IL1RAPL1: variants seen among roughly 807,000 people sequenced by gnomAD.
IL1RAPL1 encodes the protein interleukin 1 receptor accessory protein like 1, also known as interleukin-1 receptor accessory protein-like 1.
Under a neutral mutation model 48.4 loss-of-function variants are expected in IL1RAPL1, and 3 were observed. That is an observed-to-expected ratio of 0.06 (90% CI 0.03 to 0.16). IL1RAPL1 has a LOEUF of 0.16. Ranked by LOEUF, IL1RAPL1 falls within the 10% of genes least tolerant of loss-of-function variation. The pLI, the probability that IL1RAPL1 is intolerant of heterozygous loss-of-function variation, is 1.00. For missense variants in IL1RAPL1, 349 were observed against 530.6 expected (o/e 0.66, Z 3.36); for synonymous variants, 185 against 187.7 (o/e 0.99, Z 0.12).
chrX:29,189,989 G>A (rs937652182), intron 2 of IL1RAPL1, among the ~76,000 whole-genome samples: 5 of 111,432 alleles, frequency 4.5e-5, no homozygotes, highest in African/African-American at 1.6e-4. Context: ...CTTGAAGTTA[G>A]GCAGATCTTG....
chrX:29,920,654 C>T (rs748979331), intron 8 of IL1RAPL1, among the ~76,000 whole-genome samples: 38 of 107,354 alleles, frequency 3.5e-4, no homozygotes, highest in Non-Finnish European at 6.4e-4. Context: ...AATTAGCTGG[C>T]GGTAGTGGTG....
intron 2 of IL1RAPL1, among the ~76,000 whole-genome samples, chrX:29,241,033 G>A (rs1270750838): frequency 1.8e-5 from 2 of 112,190 alleles, no homozygotes; most frequent in Non-Finnish European, 3.8e-5. Flanking sequence ...GGGATTATGA[G>A]CAAGCTCTCG....
intron 2 of IL1RAPL1, among the ~76,000 whole-genome samples, chrX:28,873,365 C>T (rs1037339548): frequency 5.6e-5 from 6 of 107,925 alleles, no homozygotes; most frequent in Non-Finnish European, 7.7e-5. Flanking sequence ...ACCTCCTTGG[C>T]GTCCCAAAGT....
At chrX:29,585,069 A>G (rs1312237439) in intron 5 of IL1RAPL1, among the ~76,000 whole-genome samples, 1 of 112,054 alleles carries the variant, frequency 8.9e-6, no homozygotes, top group African/African-American at 3.3e-5. Context: ...AACACTTAAC[A>G]TGAGATCTGC....
intron 3 of IL1RAPL1, among the ~76,000 whole-genome samples, chrX:29,362,359 A>G (rs1602194648): frequency 8.9e-6 from 1 of 112,021 alleles, no homozygotes; most frequent in South Asian, 3.7e-4. Context: ...AAATGAGTCA[A>G]TGCAAAGTAT....
At chrX:29,550,031 T>C (rs1298352584) in intron 5 of IL1RAPL1, among the ~76,000 whole-genome samples, 3 of 111,746 alleles carry the variant, frequency 2.7e-5, no homozygotes, top group Non-Finnish European at 5.6e-5. Context: ...TTATAATTTT[T>C]TAGTATTACA....
chrX:29,441,416 T>A (rs1290994194), intron 5 of IL1RAPL1, among the ~76,000 whole-genome samples: 2 of 112,309 alleles, frequency 1.8e-5, no homozygotes, highest in African/African-American at 6.5e-5. Flanking sequence ...TCTCATTGTG[T>A]CATTTTACTG....
At chrX:28,840,770 A>G (rs965944418) in intron 2 of IL1RAPL1, among the ~76,000 whole-genome samples, 11 of 110,535 alleles carry the variant, frequency 1.0e-4, no homozygotes, top group African/African-American at 2.9e-4. Flanking sequence ...GTACTTCCCA[A>G]TGGAGTCAGA....
intron 5 of IL1RAPL1, among the ~76,000 whole-genome samples, chrX:29,402,895 C>T (rs1934012217): frequency 9.0e-6 from 1 of 110,932 alleles, no homozygotes; most frequent in Admixed American, 9.6e-5. Context: ...GTTATAGGTC[C>T]TTGGAAGAAA....
At chrX:29,568,747 A>G (rs918193090) in intron 5 of IL1RAPL1, among the ~76,000 whole-genome samples, 1 of 111,647 alleles carries the variant, frequency 9.0e-6, no homozygotes, top group African/African-American at 3.2e-5. Context: ...ATAGGATTGA[A>G]GAGAGAATAG....
chrX:29,200,675 G>A (rs898835562), intron 2 of IL1RAPL1, among the ~76,000 whole-genome samples: 1 of 111,215 alleles, frequency 9.0e-6, no homozygotes, highest in Admixed American at 9.6e-5. Context: ...AGCAACTAGA[G>A]CTGTAATGAT....
At position 29,716,182 on chromosome X, in the gene IL1RAPL1, A is replaced by C. The variant is rs183147518; in HGVS notation, c.778+47678A>C. ...CAGGTGAAACTGGGAGGGGCTCTGGAGATGGAATGTCCCTTCAAATTTGTC... is the reference window on the plus strand; with the variant it reads ...CAGGTGAAACTGGGAGGGGCTCTGGCGATGGAATGTCCCTTCAAATTTGTC... On this transcript the variant is annotated intron_variant, in intron 6 of 10. Coordinates refer to ENST00000378993, the MANE Select transcript of IL1RAPL1 (RefSeq NM_014271.4). 1.6e-4 allele frequency among the ~76,000 whole-genome samples: 18 copies of C among 111,457 alleles called. No homozygotes were observed. The East Asian group carries it at 5.1e-3, about 32-fold the overall frequency.
At chrX:29,149,861 A>G (rs763644152) in intron 2 of IL1RAPL1, among the ~76,000 whole-genome samples, 19 of 111,780 alleles carry the variant, frequency 1.7e-4, no homozygotes, top group Non-Finnish European at 3.2e-4. Context: ...AGAGGCAAAA[A>G]CACATGGCTT....
intron 6 of IL1RAPL1, among the ~76,000 whole-genome samples, chrX:29,754,752 T>C (rs1240265093): frequency 1.8e-5 from 2 of 113,144 alleles, no homozygotes; most frequent in East Asian, 5.6e-4. Context: ...TGTATGTGCA[T>C]GGACACATAT....
chrX:29,733,155 A>C (rs1157693432), intron 6 of IL1RAPL1, among the ~76,000 whole-genome samples: 1 of 111,478 alleles, frequency 9.0e-6, no homozygotes, highest in Non-Finnish European at 1.9e-5. Context: ...TGTCACCTGA[A>C]AAAATTAATC....
intron 5 of IL1RAPL1, among the ~76,000 whole-genome samples, chrX:29,631,374 T>A (rs1188848883): frequency 9.0e-6 from 1 of 111,359 alleles, no homozygotes; most frequent in African/African-American, 3.3e-5. Flanking sequence ...TGGGCTCAGG[T>A]GAGCCTCCCA....
At chrX:29,170,002 C>A (rs889551577) in intron 2 of IL1RAPL1, among the ~76,000 whole-genome samples, 1 of 110,869 alleles carries the variant, frequency 9.0e-6, no homozygotes, top group Non-Finnish European at 1.9e-5. Context: ...GAAGCAAATA[C>A]CTTACAAAAA....
intron 6 of IL1RAPL1, among the ~76,000 whole-genome samples, chrX:29,914,597 G>A (rs141603524): frequency 0.024 from 2,669 of 110,728 alleles, 33 homozygotes; most frequent in Non-Finnish European, 0.037. Context: ...GATTCCATTG[G>A]CATATAATGT....
chrX:28,613,294 A>G (rs1409791933), intron 1 of IL1RAPL1, among the ~76,000 whole-genome samples: 1 of 112,579 alleles, frequency 8.9e-6, no homozygotes, highest in Non-Finnish European at 1.9e-5. Context: ...TGTCCTGTGT[A>G]TCAGATTTGA....
Sources: gnomAD v4.1 joint callset for allele counts (sites outside exome capture counted in the v4.1 genomes callset) on GRCh38, gnomAD v4.1.1 for gene constraint, MANE v1.5 for transcripts, NCBI Gene and HGNC (gene_info 2026-07-23, HGNC 2026-07-21) for gene names.